FOXN2: variants seen among roughly 807,000 people sequenced by gnomAD.
FOXN2 encodes forkhead box N2.
Under a neutral mutation model 41.2 loss-of-function variants are expected in FOXN2, and 19 were observed. That is an observed-to-expected ratio of 0.46 (90% CI 0.32 to 0.68). FOXN2 has a LOEUF of 0.68. FOXN2 is among the 30% of genes least tolerant of loss of function. FOXN2 has a pLI of 0.03. For synonymous variants in FOXN2, 195 were observed against 176.8 expected, an observed-to-expected ratio of 1.10 and a Z score of -0.82; for missense variants, 587 against 509.4, an observed-to-expected ratio of 1.15 and a Z score of -1.47.
intron 1 of FOXN2, among the ~76,000 whole-genome samples, chr2:48,327,236 A>AT (rs1456084606): frequency 2.0e-5 from 3 of 152,000 alleles, no homozygotes; most frequent in Non-Finnish European, 4.4e-5. Context: ...AAAAGAAAAA[A>AT]AACAGTCATT....
chr2:48,350,329 C>T (rs1671371273), intron 3 of FOXN2, among the ~76,000 whole-genome samples: 1 of 152,206 alleles, frequency 6.6e-6, no homozygotes, highest in Admixed American at 6.5e-5. Context: ...CTCCCTTTCC[C>T]AGTGGCAGCA....
At chr2:48,354,173 A>C (rs192553704) in intron 3 of FOXN2, among the ~76,000 whole-genome samples, 4 of 152,328 alleles carry the variant, frequency 2.6e-5, no homozygotes, top group African/African-American at 9.6e-5. Context: ...AGTATGGTGT[A>C]ATGAAGCCAA....
intron 1 of FOXN2, among the ~76,000 whole-genome samples, chr2:48,315,252 G>T (rs1163470824): frequency 6.6e-6 from 1 of 152,084 alleles, no homozygotes; most frequent in African/African-American, 2.4e-5. Flanking sequence ...CCTTTGCAAC[G>T]CCCCCTCCTC....
Position 48,322,516 on chromosome 2 carries a change from C to T in FOXN2, c.-156-6045C>T, listed in dbSNP as rs190994105. ...TTTCTTGCTCATGCTCACGCTCACGCGGATTCTTGCACTCCCCCCTCCTTT... is the reference window on the plus strand; with the variant it reads ...TTTCTTGCTCATGCTCACGCTCACGTGGATTCTTGCACTCCCCCCTCCTTT... On this transcript the variant is annotated intron_variant, in intron 1 of 6. Coordinates refer to ENST00000340553, the MANE Select transcript of FOXN2 (RefSeq NM_002158.4). Among the ~76,000 whole-genome samples the T allele has an allele frequency of 2.2e-3, 336 of 152,224 alleles. 2 individuals carry two copies. Among genetic ancestry groups the T allele is most frequent in the Admixed American group, 4.2e-3 (64 of 15,296 alleles).
intron 5 of FOXN2, among the ~76,000 whole-genome samples, chr2:48,364,777 A>G (rs953738441): frequency 2.0e-5 from 3 of 152,260 alleles, no homozygotes; most frequent in Non-Finnish European, 4.4e-5. Flanking sequence ...TCAAATAACA[A>G]TAAAATTTCA....
At chr2:48,335,921 G>A (rs1014587454) in intron 2 of FOXN2, among the ~76,000 whole-genome samples, 4 of 151,876 alleles carry the variant, frequency 2.6e-5, no homozygotes, top group African/African-American at 9.7e-5. Context: ...CCAGCTCCTC[G>A]GGAGGCTGAG....
At chr2:48,339,381 C>T (rs1157839343) in intron 2 of FOXN2, among the ~76,000 whole-genome samples, 2 of 152,150 alleles carry the variant, frequency 1.3e-5, no homozygotes, top group African/African-American at 4.8e-5. Flanking sequence ...CTCACAAGAT[C>T]TGGTGGTTTT....
At chr2:48,327,721 A>T (rs1669772384) in intron 1 of FOXN2, among the ~76,000 whole-genome samples, 1 of 152,240 alleles carries the variant, frequency 6.6e-6, no homozygotes, top group South Asian at 2.1e-4. Flanking sequence ...CTGGGATTAC[A>T]GGTGTGAGCC....
chr2:48,352,055 G>GCTTCAGTTGTTTGAA (rs1671484773), intron 3 of FOXN2, among the ~76,000 whole-genome samples: 1 of 151,650 alleles, frequency 6.6e-6, no homozygotes, highest in South Asian at 2.1e-4. Flanking sequence ...TCAGTTTTGG[G>GCTTCAGTTGTTTGAA]CTTCAGTTGT....
intron 1 of FOXN2, among the ~76,000 whole-genome samples, chr2:48,323,148 T>C (rs1225451837): frequency 6.6e-6 from 1 of 152,142 alleles, no homozygotes; most frequent in East Asian, 1.9e-4. Context: ...GGTGTATCAA[T>C]ATTTTTAAAT....
At chr2:48,329,466 T>G (rs780596408) in intron 2 of FOXN2, among the ~76,000 whole-genome samples, 1 of 152,164 alleles carries the variant, frequency 6.6e-6, no homozygotes, top group Non-Finnish European at 1.5e-5. Flanking sequence ...GAGAAGCAAT[T>G]TCTCCATGAG....
At chr2:48,335,852 C>T (rs1474262638) in intron 2 of FOXN2, among the ~76,000 whole-genome samples, 1 of 150,428 alleles carries the variant, frequency 6.6e-6, no homozygotes, top group East Asian at 2.0e-4. Flanking sequence ...ACGGCGAAAC[C>T]CCATCTCTAC....
intron 1 of FOXN2, among the ~76,000 whole-genome samples, chr2:48,322,080 G>A (rs1669364090): frequency 6.6e-6 from 1 of 152,056 alleles, no homozygotes; most frequent in African/African-American, 2.4e-5. Context: ...GGAGTAGCTG[G>A]GACTACAGGA....
intron 5 of FOXN2, among the ~76,000 whole-genome samples, chr2:48,364,870 A>G (rs1416660252): frequency 1.3e-5 from 2 of 152,260 alleles, no homozygotes; most frequent in Non-Finnish European, 2.9e-5. Flanking sequence ...TAAAATATTT[A>G]CCTTCTGACC....
At chr2:48,345,180 G>A (rs902160915) in intron 2 of FOXN2, among the ~76,000 whole-genome samples, 1 of 152,164 alleles carries the variant, frequency 6.6e-6, no homozygotes, top group Admixed American at 6.6e-5. Context: ...AGATGATATA[G>A]AATGCAGAGT....
At chr2:48,370,655 T>G (rs1278347378) in intron 5 of FOXN2, among the ~76,000 whole-genome samples, 4 of 152,222 alleles carry the variant, frequency 2.6e-5, no homozygotes, top group Non-Finnish European at 4.4e-5. Flanking sequence ...GATTTTGGTT[T>G]GTTTGTTTTC....
intron 1 of FOXN2, among the ~76,000 whole-genome samples, chr2:48,316,922 A>G (rs1156351865): frequency 7.6e-6 from 1 of 131,400 alleles, no homozygotes; most frequent in Non-Finnish European, 1.6e-5. Flanking sequence ...TAATTACCCC[A>G]TAACAATGGT....
intron 5 of FOXN2, among the ~76,000 whole-genome samples, chr2:48,366,667 CTAATT>C (rs749778435): frequency 8.2e-4 from 125 of 152,064 alleles, no homozygotes; most frequent in Non-Finnish European, 1.5e-3. Flanking sequence ...CATGCATTAT[CTAATT>C]TAATCCTTAA....
chr2:48,322,926 CTT>C (rs1669431956), intron 1 of FOXN2, among the ~76,000 whole-genome samples: 1 of 148,626 alleles, frequency 6.7e-6, no homozygotes, highest in South Asian at 2.1e-4. Flanking sequence ...TTAGTTGTAA[CTT>C]TGTGTGGGAT....
Sources: allele counts gnomAD v4.1 joint callset (sites outside exome capture counted in the v4.1 genomes callset), GRCh38; gene constraint gnomAD v4.1.1; transcripts MANE v1.5; gene names NCBI Gene and HGNC (gene_info 2026-07-23, HGNC 2026-07-21).